Variants in ADGRD2 observed in about 807,000 individuals in gnomAD.
ADGRD2 encodes the protein adhesion G protein-coupled receptor D2.
A neutral mutation model predicts 44.4 loss-of-function variants in ADGRD2; 71 were observed. That is an observed-to-expected ratio of 1.60 (90% confidence interval 1.32 to 1.95). ADGRD2 has a LOEUF of 1.95. Ranked by LOEUF, ADGRD2 falls within the 30% of genes most tolerant of loss-of-function variation. The probability of loss-of-function intolerance (pLI) is 0.00; values close to 1 mark genes in which losing one functional copy is unlikely to be tolerated. For synonymous variants in ADGRD2, 481 were observed against 224.8 expected, an observed-to-expected ratio of 2.14 and a Z score of -10.19; for missense variants, 1,039 against 512.4, an observed-to-expected ratio of 2.03 and a Z score of -9.92.
At position 124,458,611 on chromosome 9, in the gene ADGRD2, C is replaced by T. The variant is rs377170823; in HGVS notation, c.1765-5C>T. 2.8e-6 allele frequency: 2 copies of T among 718,622 alleles called. No homozygotes were observed. The highest frequency in any genetic ancestry group is 5.2e-6 in the Non-Finnish European group (2 of 384,932). The allele number at this position is 718,622 out of a possible 1,614,324, so 44.5% of individuals were successfully genotyped here. On this transcript the variant is annotated splice_polypyrimidine_tract_variant and splice_region_variant and intron_variant, in intron 9 of 21. Transcript: ENST00000334810. ...CACCCTTGAAAGCTCCCATTCTTCC[C>T]ACAGGTTCCTAAGCACCCAGGTGGG...
intron 11 of ADGRD2, chr9:124,467,427 C>T (rs1168249683): frequency 2.5e-6 from 1 of 395,184 alleles, no homozygotes; most frequent in African/African-American, 2.0e-5. Context: ...TGATGATACT[C>T]CATGGTCCCC....
chr9:124,467,807 G>A (rs376364667), exon 12 of ADGRD2: 1 of 718,376 alleles, frequency 1.4e-6, no homozygotes, highest in Non-Finnish European at 2.6e-6. Context: ...CCACCTTCTT[G>A]CTCTTCCTGG....
intron 6 of ADGRD2, among the ~76,000 whole-genome samples, chr9:124,455,972 G>A (rs1831608114): frequency 6.6e-6 from 1 of 152,198 alleles, no homozygotes; most frequent in Non-Finnish European, 1.5e-5. Context: ...ATGGGGGTAG[G>A]GGAAGACGGC....
intron 10 of ADGRD2, among the ~76,000 whole-genome samples, chr9:124,461,336 C>T (rs1353810489): frequency 2.0e-5 from 3 of 152,150 alleles, no homozygotes; most frequent in African/African-American, 7.2e-5. Context: ...ATAGCTCATG[C>T]TTTTTGTATA....
upstream of ADGRD2, chr9:124,452,074 GTCT>G (rs886332840): frequency 4.7e-5 from 21 of 446,242 alleles, no homozygotes; most frequent in Middle Eastern, 1.3e-3. Flanking sequence ...GCCCCCACCT[GTCT>G]TCTTCTCTCC....
At chr9:124,451,182 C>T (rs1465165641), upstream of ADGRD2, 5 of 472,100 alleles carry the variant, frequency 1.1e-5, no homozygotes, top group East Asian at 2.8e-4. Flanking sequence ...GGTGGCTGCA[C>T]GGAGCAGCGG....
intron 8 of ADGRD2, 76 bp from the exon 12 acceptor site, chr9:124,458,037 G>T: frequency 1.4e-6 from 1 of 707,060 alleles, no homozygotes; most frequent in Admixed American, 2.0e-5. Flanking sequence ...AGTGGGGAGA[G>T]CATCACCCTC....
chr9:124,473,647 G>T (rs1394622178), intron 17 of ADGRD2, among the ~76,000 whole-genome samples: 1 of 152,206 alleles, frequency 6.6e-6, no homozygotes, highest in Admixed American at 6.5e-5. Flanking sequence ...CAGGGCCAAA[G>T]AATTCTGTGA....
chr9:124,470,174 C>G (rs1278953209), intron 16 of ADGRD2, among the ~76,000 whole-genome samples: 1 of 152,166 alleles, frequency 6.6e-6, no homozygotes, highest in Non-Finnish European at 1.5e-5. Flanking sequence ...CCTTCTAACC[C>G]CATCCCTGCT....
chr9:124,467,567 A>G (rs1831848306), intron 11 of ADGRD2, among the ~76,000 whole-genome samples, 154 bp from the exon 15 acceptor site: 1 of 152,110 alleles, frequency 6.6e-6, no homozygotes, highest in African/African-American at 2.4e-5. Flanking sequence ...TGCTTATTAA[A>G]TGCCTACTGT....
At chr9:124,458,300 C>T (rs1479563362) in intron 9 of ADGRD2, 64 bp downstream of exon 12, 6 of 707,612 alleles carry the variant, frequency 8.5e-6, no homozygotes, top group Non-Finnish European at 1.3e-5. Flanking sequence ...AGGCCAAAGC[C>T]CCCGTTCTGG....
At chr9:124,473,318 G>C (rs1028213590) in intron 17 of ADGRD2, among the ~76,000 whole-genome samples, 1 of 152,216 alleles carries the variant, frequency 6.6e-6, no homozygotes, top group Non-Finnish European at 1.5e-5. Context: ...TGTGTCAAGG[G>C]AGAGCAAAGC....
At chr9:124,466,075 C>T (rs1831817362) in intron 10 of ADGRD2, 183 bp from the exon 14 acceptor site, 1 of 437,806 alleles carries the variant, frequency 2.3e-6, no homozygotes. Context: ...GCCCTGCCCT[C>T]CTACCATCCT....
At chr9:124,453,546 C>A in exon 3 of ADGRD2, 4 of 697,484 alleles carry the variant, frequency 5.7e-6, no homozygotes, top group Middle Eastern at 2.4e-4. Context: ...GGGCGCTGAG[C>A]CCCGCTCAGC....
At chr9:124,461,334 T>C (rs1831719094) in intron 10 of ADGRD2, among the ~76,000 whole-genome samples, 1 of 152,274 alleles carries the variant, frequency 6.6e-6, no homozygotes, top group African/African-American at 2.4e-5. Context: ...GCATAGCTCA[T>C]GCTTTTTGTA....
chr9:124,458,234 G>C (rs1831654678), exon 9 of ADGRD2: 2 of 718,362 alleles, frequency 2.8e-6, no homozygotes, highest in African/African-American at 3.5e-5. Flanking sequence ...ACAGGGTGCA[G>C]AGGTGAGTAG....
intron 10 of ADGRD2, among the ~76,000 whole-genome samples, chr9:124,460,056 G>T (rs1053882755): frequency 3.3e-5 from 5 of 150,306 alleles, no homozygotes; most frequent in Non-Finnish European, 7.4e-5. Context: ...GAGAAAGCAA[G>T]TCTTCTTTGC....
chr9:124,460,173 A>C (rs972616459), intron 10 of ADGRD2, among the ~76,000 whole-genome samples: 2 of 149,906 alleles, frequency 1.3e-5, no homozygotes, highest in African/African-American at 4.9e-5. Flanking sequence ...TGGATTGTTC[A>C]TGATGTGGAA....
chr9:124,456,535 G>A, intron 6 of ADGRD2, 87 bp from the exon 10 acceptor site: 2 of 695,752 alleles, frequency 2.9e-6, no homozygotes, highest in South Asian at 3.1e-5. Context: ...CCACCTCCCA[G>A]ATCATGGAGC....
Sources: allele counts gnomAD v4.1 joint callset (sites outside exome capture counted in the v4.1 genomes callset), GRCh38; gene constraint gnomAD v4.1.1; transcripts MANE v1.5; gene names NCBI Gene and HGNC (gene_info 2026-07-23, HGNC 2026-07-21).